The following DMXL1 variants were observed in gnomAD, a reference collection of about 807,000 sequenced individuals.
DMXL1 encodes Dmx like 1.
Under a neutral mutation model 319.2 loss-of-function variants are expected in DMXL1, and 99 were observed. The ratio of observed to expected loss-of-function variants is 0.31; its 90% CI spans 0.26 to 0.37. The LOEUF (loss-of-function observed/expected upper bound fraction) is 0.37. DMXL1 is among the 10% of genes least tolerant of loss of function. The pLI, the probability that DMXL1 is intolerant of heterozygous loss-of-function variation, is 1.00. For missense variants in DMXL1, 3,745 were observed against 3,595.6 expected (o/e 1.04, Z -1.06); for synonymous variants, 1,385 against 1,235.2 (o/e 1.12, Z -2.54).
chr5:119,093,898 C>A (rs2149759368), intron 1 of DMXL1, among the ~76,000 whole-genome samples: 1 of 152,300 alleles, frequency 6.6e-6, no homozygotes, highest in South Asian at 2.1e-4. Context: ...CAGAGCAGGA[C>A]CCTAACTCTT....
At position 119,233,486 on chromosome 5, in the gene DMXL1, A is replaced by C. The variant is rs1787158899; in HGVS notation, c.8466+19A>C. On this transcript the variant is annotated intron_variant, in intron 39 of 43. Coordinates refer to ENST00000539542, the MANE Select transcript of DMXL1 (RefSeq NM_001290321.3). ...AAATAAGGTATTATATAAAAATGTA[A>C]ATGGTAAAAAATTTATTGTGTTGGA... 1.3e-6 allele frequency: 2 copies of C among 1,599,084 alleles called. No individual in the cohort carries two copies. The highest frequency in any genetic ancestry group is 1.3e-5 in the African/African-American group (1 of 74,588).
At chr5:119,159,178 G>A (rs796092844) in intron 19 of DMXL1, among the ~76,000 whole-genome samples, 52 of 151,906 alleles carry the variant, frequency 3.4e-4, no homozygotes, top group African/African-American at 9.9e-4. Context: ...GTCACCCAAC[G>A]CTGGAGTGCA....
chr5:119,136,635 C>G (rs1208703224), intron 13 of DMXL1, among the ~76,000 whole-genome samples: 1 of 152,254 alleles, frequency 6.6e-6, no homozygotes, highest in East Asian at 1.9e-4. Context: ...CCTTGGGATT[C>G]AGTGCCCTGC....
chr5:119,081,492 A>G lies in DMXL1; in HGVS notation c.87+9836A>G, dbSNP rs553945696. The G allele has an allele frequency of 8.2e-6, 7 of 849,662 alleles. No homozygotes were observed. In the South Asian group the frequency reaches 3.2e-4, roughly 39 times the overall value. The allele number at this position is 849,662 out of a possible 1,614,324, so 52.6% of individuals were successfully genotyped here. On this transcript the variant is annotated intron_variant, in intron 1 of 43. Coordinates refer to ENST00000539542, the MANE Select transcript of DMXL1 (RefSeq NM_001290321.3). The stretch of plus-strand genomic sequence containing the variant: ...TAATGTGTAAAAACTGCTTGAGAAC[A>G]TACTTTGACTCAAACATCTTCACAC...
chr5:119,081,526 A>G (rs917583241), intron 1 of DMXL1: 2 of 972,858 alleles, frequency 2.1e-6, no homozygotes, highest in Non-Finnish European at 2.4e-6. Context: ...ACTTAAGTCA[A>G]TTAACAGGTA....
chr5:119,121,184 T>A (rs763574063), intron 9 of DMXL1, 45 bp downstream of exon 9: 1 of 1,479,640 alleles, frequency 6.8e-7, no homozygotes, highest in African/African-American at 1.4e-5. Flanking sequence ...TTGAATAGAT[T>A]GATTTTATAA....
At chr5:119,183,395 T>G (rs752473612) in intron 28 of DMXL1, among the ~76,000 whole-genome samples, 3 of 152,242 alleles carry the variant, frequency 2.0e-5, no homozygotes, top group African/African-American at 4.8e-5. Context: ...GCCAAACATT[T>G]AACTGGTGGT....
intron 38 of DMXL1, among the ~76,000 whole-genome samples, chr5:119,231,227 A>T (rs1361160189): frequency 6.6e-6 from 1 of 152,168 alleles, no homozygotes; most frequent in East Asian, 1.9e-4. Context: ...AAATATACTC[A>T]TTTCTCTAGG....
At chr5:119,146,520 C>G (rs1366940000) in intron 15 of DMXL1, among the ~76,000 whole-genome samples, 1 of 151,896 alleles carries the variant, frequency 6.6e-6, no homozygotes. Flanking sequence ...AGTTGAAGTA[C>G]ATATTACATA....
rs541857730 is a variant in DMXL1, at chr5:119,078,342, T to A, written c.87+6686T>A. On this transcript the variant is annotated intron_variant, in intron 1 of 43. Transcript: ENST00000539542. ...TAAGGAGAACATTGAAACTGGAGAT[T>A]TAGTATGCCCTTTTCTTTTAGAAAT... Among the ~76,000 whole-genome samples, 11 of 152,284 alleles carry A rather than the reference T, an allele frequency of 7.2e-5. No individual in the cohort carries two copies. In the South Asian group the frequency reaches 2.3e-3, roughly 32 times the overall value.
chr5:119,179,305 C>T (rs1376841735), intron 28 of DMXL1, among the ~76,000 whole-genome samples: 1 of 98,706 alleles, frequency 1.0e-5, no homozygotes, highest in Non-Finnish European at 2.1e-5. Flanking sequence ...AAATGTTTTT[C>T]CAAAAAAAAA....
intron 34 of DMXL1, among the ~76,000 whole-genome samples, chr5:119,213,678 G>A (rs910020023): frequency 1.3e-5 from 2 of 152,096 alleles, no homozygotes; most frequent in African/African-American, 4.8e-5. Context: ...GAATGTCTCT[G>A]TGATCCTTTC....
At position 119,229,941 on chromosome 5, in the gene DMXL1, A is replaced by T. The variant is rs78935782; in HGVS notation, c.8339-3399A>T. Among the ~76,000 whole-genome samples the T allele has an allele frequency of 8.3e-3, 1,272 of 152,342 alleles. 62 individuals carry two copies. The East Asian group carries it at 0.14, about 17-fold the overall frequency. Reference sequence around the variant, plus strand: ...CTTTATTCTTCTGCAATAAGAAGCCAAAAGTAGATAAGCTTATGTTTAGCA... The same window carrying T: ...CTTTATTCTTCTGCAATAAGAAGCCTAAAGTAGATAAGCTTATGTTTAGCA... On this transcript the variant is annotated intron_variant, in intron 38 of 43. Coordinates refer to ENST00000539542, the MANE Select transcript of DMXL1 (RefSeq NM_001290321.3).
At chr5:119,078,544 A>G (rs1328958017) in intron 1 of DMXL1, among the ~76,000 whole-genome samples, 1 of 152,090 alleles carries the variant, frequency 6.6e-6, no homozygotes, top group Admixed American at 6.6e-5. Flanking sequence ...TCAATCTCCT[A>G]GGCTCAATCA....
chr5:119,116,046 T>C, intron 6 of DMXL1, 112 bp from the exon 7 acceptor site: 2 of 948,872 alleles, frequency 2.1e-6, no homozygotes, highest in Admixed American at 2.9e-5. Flanking sequence ...GCTCAACGTC[T>C]CTTCCCATCC....
At chr5:119,164,174 T>C (rs957373315) in intron 19 of DMXL1, among the ~76,000 whole-genome samples, 2 of 152,148 alleles carry the variant, frequency 1.3e-5, no homozygotes, top group African/African-American at 4.8e-5. Context: ...AAAAGCAGCT[T>C]TGAAGACAGA....
intron 10 of DMXL1, among the ~76,000 whole-genome samples, chr5:119,132,426 A>G (rs1166227737): frequency 1.3e-5 from 2 of 152,214 alleles, no homozygotes; most frequent in Non-Finnish European, 2.9e-5. Flanking sequence ...CACGCCTGTA[A>G]TGCCAGTACT....
chr5:119,240,101 T>G (rs1788498818), intron 41 of DMXL1, among the ~76,000 whole-genome samples: 1 of 151,908 alleles, frequency 6.6e-6, no homozygotes, highest in Non-Finnish European at 1.5e-5. Flanking sequence ...AGACTCCATC[T>G]CTACAAAAAA....
Position 119,242,874 on chromosome 5 carries a change from A to C in DMXL1, c.8705-1485A>C, listed in dbSNP as rs182673861. Among the ~76,000 whole-genome samples, 4 of 152,350 alleles carry C rather than the reference A, an allele frequency of 2.6e-5. No individual in the cohort carries two copies. In the East Asian group the frequency reaches 7.7e-4, roughly 29 times the overall value. On this transcript the variant is annotated intron_variant, in intron 42 of 43. Coordinates refer to ENST00000539542, the MANE Select transcript of DMXL1 (RefSeq NM_001290321.3). The stretch of plus-strand genomic sequence containing the variant: ...GAAACGATAGTCTTTTCAACAAATA[A>C]TGCCAGAACAATTTAATGTCAACAT...
Sources: gnomAD v4.1 joint callset for allele counts (sites outside exome capture counted in the v4.1 genomes callset) on GRCh38, gnomAD v4.1.1 for gene constraint, MANE v1.5 for transcripts, NCBI Gene and HGNC (gene_info 2026-07-23, HGNC 2026-07-21) for gene names.